Variants in GALNT15 observed in about 807,000 individuals in gnomAD.
GALNT15 encodes polypeptide N-acetylgalactosaminyltransferase 15, also known as UDP-GalNAc transferase T15.
A neutral mutation model predicts 66.8 loss-of-function variants in GALNT15; 67 were observed. The observed-to-expected ratio is 1.00, with a 90% CI of 0.82 to 1.23. GALNT15 has a LOEUF of 1.23. Ranked by LOEUF, GALNT15 falls within the 50% of genes most tolerant of loss-of-function variation. The probability of loss-of-function intolerance (pLI) is 0.00; values close to 1 mark genes in which losing one functional copy is unlikely to be tolerated. For synonymous variants in GALNT15, 313 were observed against 311.5 expected, an observed-to-expected ratio of 1.00 and a Z score of -0.05; for missense variants, 827 against 804.3, an observed-to-expected ratio of 1.03 and a Z score of -0.34.
chr3:16,227,924 A>G lies in GALNT15; in HGVS notation c.*424A>G. 9.9e-7 allele frequency: 1 copy of G among 1,006,028 alleles called. No individual in the cohort carries two copies. The highest frequency in any genetic ancestry group is 1.2e-6 in the Non-Finnish European group (1 of 843,694). 62.3% of individuals were successfully genotyped at this position (1,006,028 alleles called of 1,614,324 possible). On this transcript the variant is annotated 3_prime_UTR_variant, in exon 10 of 10. Transcript: ENST00000339732. This position sits in a 1 kb window ranked among gnomAD's most constrained non-coding sequence, Gnocchi z 4.5. ...GTCTGTTTGGCCAACCATGAAAATTAAAGAGTGAAGCAGATGTAATGGCCT... is the reference window on the plus strand; with the variant it reads ...GTCTGTTTGGCCAACCATGAAAATTGAAGAGTGAAGCAGATGTAATGGCCT...
intron 3 of GALNT15, among the ~76,000 whole-genome samples, chr3:16,202,505 C>G (rs574434039): frequency 1.3e-4 from 20 of 152,250 alleles, no homozygotes; most frequent in Admixed American, 1.2e-3. Flanking sequence ...TGGTAGCGTG[C>G]GCCTGTAATC....
rs2063989895 is a variant in GALNT15 at position 16,224,943 on chromosome 3, G to A, written c.1773+2185G>A. Among the ~76,000 whole-genome samples, 2 of 152,050 alleles carry A rather than the reference G, an allele frequency of 1.3e-5. No individual in the cohort carries two copies. The highest frequency in any genetic ancestry group is 4.8e-5 in the African/African-American group (2 of 41,390). On this transcript the variant is annotated intron_variant, in intron 9 of 9. Transcript: ENST00000339732. The surrounding 1 kb of genome is among the most constrained non-coding windows in gnomAD (Gnocchi z 5.2). ...TGAGCCACCACACCAGGCCTATTAG[G>A]CCATTCTTGCATTGCTATAAAGAAA...
chr3:16,205,351 G>A (rs757390559), intron 3 of GALNT15, among the ~76,000 whole-genome samples: 1 of 152,202 alleles, frequency 6.6e-6, no homozygotes, highest in Non-Finnish European at 1.5e-5. Context: ...AAAGGTTATG[G>A]GAAGCTTGAA....
chr3:16,208,420 CTGGGCAGCCCA>C, intron 3 of GALNT15, 72 bp from the exon 4 acceptor site: 5 of 1,426,842 alleles, frequency 3.5e-6, no homozygotes, highest in Non-Finnish European at 4.8e-6. Context: ...AGCCACCATA[CTGGGCAGCCCA>C]TGTACAGACT....
In GALNT15 at chr3:16,183,022, G is replaced by A. The variant is rs1387689666; in HGVS notation, c.539+7332G>A. ...GGCTGTCCCTGTTAGGTGGAACTAT[G>A]GCTCCAAGATGCTTCATAGGCCTCC... On this transcript the variant is annotated intron_variant, in intron 1 of 9. Coordinates refer to ENST00000339732, the MANE Select transcript of GALNT15 (RefSeq NM_054110.5). This position sits in a 1 kb window ranked among gnomAD's most constrained non-coding sequence, Gnocchi z 5.2. The A allele has an allele frequency of 6.6e-6, 1 of 152,272 alleles. No homozygotes were observed. The highest frequency in any genetic ancestry group is 2.4e-5 in the African/African-American group (1 of 41,452). 9.4% of individuals were successfully genotyped at this position (152,272 alleles called of 1,614,324 possible).
intron 2 of GALNT15, among the ~76,000 whole-genome samples, chr3:16,196,951 G>A (rs1046656897): frequency 2.0e-5 from 3 of 152,202 alleles, no homozygotes; most frequent in Non-Finnish European, 2.9e-5. Flanking sequence ...CTCACTCCAG[G>A]GATGGGCCTA....
intron 9 of GALNT15, 70 bp downstream of exon 9, chr3:16,222,828 C>A: frequency 1.3e-6 from 2 of 1,558,676 alleles, no homozygotes; most frequent in Non-Finnish European, 1.8e-6. Flanking sequence ...GGCATTGGAT[C>A]CTGGGCTCTT....
rs757894431 is a variant in GALNT15 at position 16,219,585 on chromosome 3, C to G, written c.1524+51C>G. 6.2e-7 allele frequency: 1 copy of G among 1,602,338 alleles called. No homozygotes were observed. Among genetic ancestry groups the G allele is most frequent in the East Asian group, 2.2e-5 (1 of 44,820 alleles). On this transcript the variant is annotated intron_variant, in intron 7 of 9. Coordinates refer to ENST00000339732, the MANE Select transcript of GALNT15 (RefSeq NM_054110.5). This position sits in a 1 kb window ranked among gnomAD's most constrained non-coding sequence, Gnocchi z 4.3. ...GGAGGGACAGGGAAGCTTCCCAAGA[C>G]AAGAACTAGATGTTCAGCTCTTCCA...
chr3:16,195,744 G>A lies in GALNT15; in HGVS notation c.540-16G>A. On this transcript the variant is annotated splice_polypyrimidine_tract_variant and intron_variant, in intron 1 of 9. Transcript: ENST00000339732. The surrounding 1 kb of genome is among the most constrained non-coding windows in gnomAD (Gnocchi z 4.6). ...GCCTTCTCTTCCCCATGGCTCTCTG[G>A]CTCTCTTCCCTGCAGGTGTCTGCAG... The A allele has an allele frequency of 6.2e-7, 1 of 1,601,716 alleles. No homozygotes were observed. The highest frequency in any genetic ancestry group is 8.5e-7 in the Non-Finnish European group (1 of 1,171,170).
At chr3:16,208,743 C>A in intron 4 of GALNT15, 73 bp downstream of exon 4, 1 of 1,334,002 alleles carries the variant, frequency 7.5e-7, no homozygotes, top group South Asian at 1.3e-5. Context: ...TGCCTGGGGT[C>A]TAATCCTACC....
At chr3:16,207,240 T>C (rs923450483) in intron 3 of GALNT15, among the ~76,000 whole-genome samples, 8 of 152,170 alleles carry the variant, frequency 5.3e-5, no homozygotes, top group Non-Finnish European at 1.0e-4. Context: ...GTAAACACAA[T>C]GTGGCTAGTA....
At position 16,188,522 on chromosome 3, in the gene GALNT15, A is replaced by C. The variant is rs2063540746; in HGVS notation, c.540-7238A>C. ...AGGTGGGCCATGTGGTCTCGGGCTCACTGAAGCACCCACAGGGCAAGAGTC... is the reference window on the plus strand; with the variant it reads ...AGGTGGGCCATGTGGTCTCGGGCTCCCTGAAGCACCCACAGGGCAAGAGTC... On this transcript the variant is annotated intron_variant, in intron 1 of 9. Coordinates refer to ENST00000339732, the MANE Select transcript of GALNT15 (RefSeq NM_054110.5). The surrounding 1 kb of genome is among the most constrained non-coding windows in gnomAD (Gnocchi z 4.6). 6.6e-6 allele frequency among the ~76,000 whole-genome samples: 1 copy of C among 152,206 alleles called. No homozygotes were observed. The highest frequency in any genetic ancestry group is 1.5e-5 in the Non-Finnish European group (1 of 68,034).
At chr3:16,202,536 G>C (rs560386380) in intron 3 of GALNT15, among the ~76,000 whole-genome samples, 1 of 152,248 alleles carries the variant, frequency 6.6e-6, no homozygotes, top group East Asian at 1.9e-4. Context: ...GGGAGGCTGA[G>C]GTGGGAGAAT....
Position 16,204,174 on chromosome 3 carries a change from C to T in GALNT15, c.911+3351C>T, listed in dbSNP as rs1441167535. On this transcript the variant is annotated intron_variant, in intron 3 of 9. Transcript: ENST00000339732. This position sits in a 1 kb window ranked among gnomAD's most constrained non-coding sequence, Gnocchi z 4.5. ...AAGGAATTCAGAGCCTGCTGACCAGCCTTTGTTCCCTGTCCCTGCCTAGCA... is the reference window on the plus strand; with the variant it reads ...AAGGAATTCAGAGCCTGCTGACCAGTCTTTGTTCCCTGTCCCTGCCTAGCA... Among the ~76,000 whole-genome samples, 1 of 152,140 alleles carries T rather than the reference C, an allele frequency of 6.6e-6. No individual in the cohort carries two copies. Among genetic ancestry groups the T allele is most frequent in the Non-Finnish European group, 1.5e-5 (1 of 68,018 alleles).
the GALNT15 span, among the ~76,000 whole-genome samples, chr3:16,239,926 A>C: frequency 5.1e-4 from 77 of 152,356 alleles, no homozygotes; most frequent in African/African-American, 1.8e-3. The surrounding 1 kb of genome is among the most constrained non-coding windows in gnomAD (Gnocchi z 5.2). Flanking sequence ...GCTTCCCATT[A>C]ATGGGAAAAG....
rs758346661 is a variant in GALNT15 at position 16,212,647 on chromosome 3, T to C, written c.1276T>C (p.Ser426Pro). 7.7e-5 allele frequency: 124 copies of C among 1,613,142 alleles called. No homozygotes were observed. The highest frequency in any genetic ancestry group is 1.0e-4 in the Non-Finnish European group (123 of 1,179,806). Residue 426 changes from serine (S) to proline (P), a missense_variant, in exon 6 of 10, where the codon TCC becomes CCC. Physicochemically the swap from Ser to Pro is moderately conservative, Grantham distance 74. Coordinates refer to ENST00000339732, the MANE Select transcript of GALNT15 (RefSeq NM_054110.5). Reference protein sequence around the residue: ...GHIYQNQDSHSPLDQEATLRN... With the variant: ...GHIYQNQDSHPPLDQEATLRN... ...CATCTACCAAAATCAGGATTCCCAT[T>C]CCCCCCTCGACCAGGAGGCCACCCT...
At position 16,175,113 on chromosome 3, in the gene GALNT15, C is replaced by G; in HGVS notation, c.-39C>G. On this transcript the variant is annotated 5_prime_UTR_variant, in exon 1 of 10. Coordinates refer to ENST00000339732, the MANE Select transcript of GALNT15 (RefSeq NM_054110.5). The surrounding 1 kb of genome is among the most constrained non-coding windows in gnomAD (Gnocchi z 5.6). ...GGAGCCTGGAGCGGGAGAAAGCTAA[C>G]TTGAACATGACCTGTTGCATTTGGC... 2 of 1,574,688 alleles carry G rather than the reference C, an allele frequency of 1.3e-6. No homozygotes were observed. The highest frequency in any genetic ancestry group is 3.4e-5 in the Admixed American group (2 of 58,254).
Position 16,195,846 on chromosome 3 carries a change from G to A in GALNT15, c.626G>A (p.Arg209Gln), listed in dbSNP as rs544070622. ...GATGAGGCCTGGTCCACTCTCCTGC[G>A]GACTGTACACAGCATCCTCGACACA... ...FHDEAWSTLL[R>Q]TVHSILDTVP... Residue 209 changes from arginine (R) to glutamine (Q), a missense_variant, in exon 2 of 10, where the codon CGG becomes CAG. Transcript: ENST00000339732. This position sits in a 1 kb window ranked among gnomAD's most constrained non-coding sequence, Gnocchi z 4.6. 20 of 1,614,040 alleles carry A rather than the reference G, an allele frequency of 1.2e-5. No homozygotes were observed. In the African/African-American group the frequency reaches 1.7e-4, roughly 14 times the overall value.
At chr3:16,194,135 T>C (rs1270875873) in intron 1 of GALNT15, among the ~76,000 whole-genome samples, 1 of 152,240 alleles carries the variant, frequency 6.6e-6, no homozygotes, top group Non-Finnish European at 1.5e-5. Context: ...TGAGCTTTGA[T>C]GTCTTCCCTT....
Sources: gnomAD v4.1 joint callset for allele counts (sites outside exome capture counted in the v4.1 genomes callset) on GRCh38, gnomAD v4.1.1 for gene constraint, Gnocchi (gnomAD v3.1) non-coding constraint, MANE v1.5 for transcripts, NCBI Gene and HGNC (gene_info 2026-07-23, HGNC 2026-07-21) for gene names.